The following LRFN5 variants were observed in gnomAD, a reference collection of about 807,000 sequenced individuals.
The protein encoded by LRFN5 is leucine rich repeat and fibronectin type III domain containing 5, also known as leucine-rich repeat and fibronectin type-III domain-containing protein 5.
In LRFN5, 24 loss-of-function variants were observed where a neutral mutation model predicts 45.6. The ratio of observed to expected loss-of-function variants is 0.53; its 90% CI spans 0.38 to 0.74. The LOEUF (loss-of-function observed/expected upper bound fraction) is 0.74. Among genes scored for constraint, LRFN5 ranks in the 30% least tolerant of loss-of-function variants. The probability of loss-of-function intolerance (pLI) is 0.00; values close to 1 mark genes in which losing one functional copy is unlikely to be tolerated. For missense variants in LRFN5, 776 were observed against 861.5 expected, an observed-to-expected ratio of 0.90 and a Z score of 1.24; for synonymous variants, 340 against 313.8, an observed-to-expected ratio of 1.08 and a Z score of -0.88.
intron 2 of LRFN5, among the ~76,000 whole-genome samples, chr14:41,809,895 A>G (rs546664391): frequency 6.6e-6 from 1 of 152,118 alleles, no homozygotes; most frequent in South Asian, 2.1e-4. Context: ...GAGGAATGAA[A>G]GGTAAGTATG....
chr14:41,830,689 G>T (rs370824881), intron 2 of LRFN5, among the ~76,000 whole-genome samples: 2 of 152,296 alleles, frequency 1.3e-5, no homozygotes, highest in East Asian at 3.9e-4. Flanking sequence ...AACCTGAGCT[G>T]CAGGGAAGCT....
At position 41,886,811 on chromosome 14, in the gene LRFN5, T is replaced by C. The variant is rs772715588; in HGVS notation, c.186T>C (p.Phe62=). 5 of 1,614,094 alleles carry C rather than the reference T, an allele frequency of 3.1e-6. No individual in the cohort carries two copies. The highest frequency in any genetic ancestry group is 1.7e-5 in the Admixed American group (1 of 60,014). Residue 62 remains phenylalanine, a synonymous_variant, in exon 3 of 6, where the codon TTT becomes TTC. Coordinates refer to ENST00000298119, the MANE Select transcript of LRFN5 (RefSeq NM_152447.5). ...TGGAACTGCGGTTGGCAGACAATTTTGTTACAAATATTAAAAGGAAAGATT... is the reference window on the plus strand; with the variant it reads ...TGGAACTGCGGTTGGCAGACAATTTCGTTACAAATATTAAAAGGAAAGATT... ...RTVELRLADN[F]VTNIKRKDFA...
chr14:41,885,317 A>G (rs1312391340), intron 2 of LRFN5, among the ~76,000 whole-genome samples: 1 of 146,584 alleles, frequency 6.8e-6, no homozygotes, highest in African/African-American at 2.5e-5. Flanking sequence ...ACAGAGAAAA[A>G]CTTTGTCTAA....
chr14:41,814,212 A>G (rs997691730), intron 2 of LRFN5, among the ~76,000 whole-genome samples: 1 of 152,000 alleles, frequency 6.6e-6, no homozygotes, highest in Non-Finnish European at 1.5e-5. Context: ...TGCTTTTGGT[A>G]TTTTAGTCAT....
At chr14:41,727,432 C>T (rs768144817) in intron 1 of LRFN5, among the ~76,000 whole-genome samples, 5 of 151,050 alleles carry the variant, frequency 3.3e-5, no homozygotes, top group African/African-American at 7.3e-5. Flanking sequence ...AGCAAAAATC[C>T]GATCTCTATA....
intron 1 of LRFN5, among the ~76,000 whole-genome samples, chr14:41,668,780 G>T (rs1881027723): frequency 6.6e-6 from 1 of 152,040 alleles, no homozygotes; most frequent in African/African-American, 2.4e-5. Flanking sequence ...TTACCAAGCA[G>T]CATTTTTGTA....
chr14:41,705,740 A>G (rs2138734892), intron 1 of LRFN5, among the ~76,000 whole-genome samples: 1 of 152,252 alleles, frequency 6.6e-6, no homozygotes, highest in South Asian at 2.1e-4. Flanking sequence ...ATGGTATTTT[A>G]TATACAGGGT....
At chr14:41,716,069 G>C (rs192095486) in intron 1 of LRFN5, among the ~76,000 whole-genome samples, 1 of 152,238 alleles carries the variant, frequency 6.6e-6, no homozygotes, top group East Asian at 1.9e-4. Context: ...ATGAAGCCAC[G>C]GTCTAAGCTC....
chr14:41,857,533 G>T (rs1307030265), intron 2 of LRFN5, among the ~76,000 whole-genome samples: 1 of 152,112 alleles, frequency 6.6e-6, no homozygotes, highest in Non-Finnish European at 1.5e-5. Context: ...TGATACTGCT[G>T]TTTATAATTC....
intron 1 of LRFN5, among the ~76,000 whole-genome samples, chr14:41,691,124 CATT>C (rs1437496691): frequency 1.4e-4 from 21 of 151,948 alleles, no homozygotes; most frequent in South Asian, 4.2e-4. Context: ...TAAATTTTGT[CATT>C]ATTATTTATG....
intron 1 of LRFN5, among the ~76,000 whole-genome samples, chr14:41,737,787 C>T (rs1371174557): frequency 6.6e-6 from 1 of 151,896 alleles, no homozygotes; most frequent in Non-Finnish European, 1.5e-5. Flanking sequence ...ATCCAACTTA[C>T]AAGGGATGTG....
chr14:41,867,352 CTG>C (rs140178887), intron 2 of LRFN5, among the ~76,000 whole-genome samples: 1 of 151,160 alleles, frequency 6.6e-6, no homozygotes, highest in Non-Finnish European at 1.5e-5. Flanking sequence ...ATGCACACAT[CTG>C]TGTGTGTGTG....
chr14:41,802,794 A>T (rs1887383723), intron 2 of LRFN5, among the ~76,000 whole-genome samples: 4 of 152,098 alleles, frequency 2.6e-5, no homozygotes, highest in African/African-American at 7.2e-5. Context: ...TCAGAGTTTA[A>T]ATTGTTTAAT....
chr14:41,876,266 T>A (rs1244626346), intron 2 of LRFN5, among the ~76,000 whole-genome samples: 1 of 134,794 alleles, frequency 7.4e-6, no homozygotes, highest in Non-Finnish European at 1.6e-5. Flanking sequence ...TGCGTAATTG[T>A]CTTTTTCTTT....
At chr14:41,809,850 T>C (rs1474814566) in intron 2 of LRFN5, among the ~76,000 whole-genome samples, 1 of 151,914 alleles carries the variant, frequency 6.6e-6, no homozygotes, top group Non-Finnish European at 1.5e-5. Context: ...CACTCCTGAT[T>C]TGAGTCCTTT....
intron 2 of LRFN5, among the ~76,000 whole-genome samples, chr14:41,775,093 CTT>C (rs59438733): frequency 7.1e-5 from 8 of 112,466 alleles, no homozygotes; most frequent in Middle Eastern, 4.6e-3. Flanking sequence ...TTTTCTTTTT[CTT>C]TTTTTTTTTT....
chr14:41,835,654 A>T (rs995175000), intron 2 of LRFN5, among the ~76,000 whole-genome samples: 8 of 152,154 alleles, frequency 5.3e-5, no homozygotes, highest in Non-Finnish European at 1.2e-4. Context: ...TGAGCCTGGG[A>T]GGTCGAGGCT....
chr14:41,632,164 A>G (rs1436487682), intron 1 of LRFN5, among the ~76,000 whole-genome samples: 1 of 145,292 alleles, frequency 6.9e-6, no homozygotes, highest in Non-Finnish European at 1.5e-5. Context: ...GTCACAAGGA[A>G]AAAAAAAACG....
At chr14:41,688,452 T>G (rs1282261231) in intron 1 of LRFN5, among the ~76,000 whole-genome samples, 3 of 151,570 alleles carry the variant, frequency 2.0e-5, no homozygotes, top group African/African-American at 7.3e-5. Flanking sequence ...ACCACAAAAA[T>G]TAAAAATAAA....
Sources: allele counts gnomAD v4.1 joint callset (sites outside exome capture counted in the v4.1 genomes callset), GRCh38; gene constraint gnomAD v4.1.1; transcripts MANE v1.5; gene names NCBI Gene and HGNC (gene_info 2026-07-23, HGNC 2026-07-21).